The following CNTNAP2 variants were observed in gnomAD, a reference collection of about 807,000 sequenced individuals.
CNTNAP2 encodes the protein contactin associated protein 2.
CNTNAP2 carries 98 observed loss-of-function variants against 155.2 expected under a neutral mutation model. That is an observed-to-expected ratio of 0.63 (90% CI 0.54 to 0.75). CNTNAP2 has a LOEUF of 0.75. Among genes scored for constraint, CNTNAP2 ranks in the 30% least tolerant of loss-of-function variants. The pLI, the probability that CNTNAP2 is intolerant of heterozygous loss-of-function variation, is 0.00. For synonymous variants in CNTNAP2, 651 were observed against 631.2 expected, an observed-to-expected ratio of 1.03 and a Z score of -0.47; for missense variants, 1,727 against 1,688.1, an observed-to-expected ratio of 1.02 and a Z score of -0.40.
At chr7:146,571,269 A>G (rs970520576) in intron 1 of CNTNAP2, among the ~76,000 whole-genome samples, 1 of 152,068 alleles carries the variant, frequency 6.6e-6, no homozygotes, top group Non-Finnish European at 1.5e-5. Flanking sequence ...AAGTATTATA[A>G]TAGGGGATCT....
At chr7:146,965,254 T>C (rs1797634729) in intron 3 of CNTNAP2, among the ~76,000 whole-genome samples, 1 of 152,122 alleles carries the variant, frequency 6.6e-6, no homozygotes, top group South Asian at 2.1e-4. Flanking sequence ...GAGAGCATAA[T>C]GGAACCCTGG....
intron 9 of CNTNAP2, among the ~76,000 whole-genome samples, chr7:147,371,807 G>A (rs577423799): frequency 6.6e-6 from 1 of 152,222 alleles, no homozygotes; most frequent in Non-Finnish European, 1.5e-5. Context: ...GTATGTATGA[G>A]AGTGTGTGCA....
At chr7:146,321,139 G>A (rs1381877500) in intron 1 of CNTNAP2, among the ~76,000 whole-genome samples, 4 of 152,030 alleles carry the variant, frequency 2.6e-5, no homozygotes, top group Non-Finnish European at 5.9e-5. Flanking sequence ...AGATGATGAT[G>A]CGCTTATTAG....
intron 2 of CNTNAP2, among the ~76,000 whole-genome samples, chr7:146,776,265 C>A (rs974434713): frequency 6.6e-6 from 1 of 152,060 alleles, no homozygotes; most frequent in African/African-American, 2.4e-5. Flanking sequence ...ACATAAAGCA[C>A]CTGTGAGGAA....
chr7:146,700,450 A>T (rs939918250), intron 1 of CNTNAP2, among the ~76,000 whole-genome samples: 3 of 152,168 alleles, frequency 2.0e-5, no homozygotes, highest in African/African-American at 7.2e-5. Context: ...AAATTAAAAA[A>T]ATAAGTATGT....
chr7:146,910,116 C>G (rs1796239728), intron 3 of CNTNAP2, among the ~76,000 whole-genome samples: 1 of 129,822 alleles, frequency 7.7e-6, no homozygotes, highest in Admixed American at 7.4e-5. Context: ...AGGACCTCTT[C>G]AAGGAGAACT....
intron 3 of CNTNAP2, among the ~76,000 whole-genome samples, chr7:146,919,026 G>A (rs1796448029): frequency 6.6e-6 from 1 of 152,138 alleles, no homozygotes; most frequent in Admixed American, 6.5e-5. Flanking sequence ...TTCATTTCCA[G>A]AAGCTGTGAT....
chr7:147,381,746 A>G (rs1796541029), intron 9 of CNTNAP2, among the ~76,000 whole-genome samples: 2 of 152,154 alleles, frequency 1.3e-5, no homozygotes, highest in South Asian at 4.1e-4. Context: ...GTTCTTGTAA[A>G]TCTCTTTACG....
intron 11 of CNTNAP2, among the ~76,000 whole-genome samples, chr7:147,526,084 C>G (rs192135617): frequency 9.9e-4 from 149 of 150,670 alleles, no homozygotes; most frequent in African/African-American, 3.4e-3. Context: ...CCCAGCTACT[C>G]GAGAGGCTGA....
intron 1 of CNTNAP2, among the ~76,000 whole-genome samples, chr7:146,369,717 T>C (rs1444624487): frequency 6.6e-6 from 1 of 152,196 alleles, no homozygotes; most frequent in Non-Finnish European, 1.5e-5. Context: ...ATCTGTGCTT[T>C]ACTCATTTTC....
intron 13 of CNTNAP2, among the ~76,000 whole-genome samples, chr7:147,827,489 A>C (rs765981354): frequency 2.0e-5 from 3 of 152,224 alleles, no homozygotes; most frequent in Non-Finnish European, 4.4e-5. Flanking sequence ...ATTTTGCTCT[A>C]AATAGTGTGG....
At chr7:146,467,071 G>A (rs1264969243) in intron 1 of CNTNAP2, among the ~76,000 whole-genome samples, 3 of 152,038 alleles carry the variant, frequency 2.0e-5, no homozygotes, top group African/African-American at 7.2e-5. Flanking sequence ...ATAATTTAAT[G>A]TTAACAAATG....
At chr7:146,331,945 A>G (rs1305380538) in intron 1 of CNTNAP2, among the ~76,000 whole-genome samples, 1 of 152,172 alleles carries the variant, frequency 6.6e-6, no homozygotes, top group African/African-American at 2.4e-5. Flanking sequence ...GCTATCACAT[A>G]TTTTTAAAAG....
intron 8 of CNTNAP2, among the ~76,000 whole-genome samples, chr7:147,154,221 T>C (rs1801879970): frequency 6.6e-6 from 1 of 152,194 alleles, no homozygotes. Context: ...AAAGTGGTTT[T>C]AATTGAAAAC....
In CNTNAP2 at chr7:147,871,961, C is replaced by T. The variant is rs531901355; in HGVS notation, c.2099-31604C>T. On this transcript the variant is annotated intron_variant, in intron 13 of 23. Coordinates refer to ENST00000361727, the MANE Select transcript of CNTNAP2 (RefSeq NM_014141.6). ...GCTCCTGGGTAATGCTTTTTTCGTA[C>T]GTGTTTTAACTTTTATTCACATGAG... Among the ~76,000 whole-genome samples, 29 of 152,038 alleles carry T rather than the reference C, an allele frequency of 1.9e-4. 1 individual carries two copies. The highest frequency in any genetic ancestry group is 3.7e-4 in the Non-Finnish European group (25 of 68,014).
At chr7:146,608,183 A>C (rs1176960549) in intron 1 of CNTNAP2, among the ~76,000 whole-genome samples, 1 of 152,206 alleles carries the variant, frequency 6.6e-6, no homozygotes, top group Admixed American at 6.6e-5. Flanking sequence ...GCTGCCTGTC[A>C]ATATCACTTG....
chr7:148,079,771 T>G (rs2116544650), intron 15 of CNTNAP2, among the ~76,000 whole-genome samples: 1 of 152,268 alleles, frequency 6.6e-6, no homozygotes, highest in Non-Finnish European at 1.5e-5. Flanking sequence ...CTACAGAAAG[T>G]CTTAAGATCT....
At chr7:146,793,923 T>C (rs150595907) in intron 2 of CNTNAP2, among the ~76,000 whole-genome samples, 19 of 152,352 alleles carry the variant, frequency 1.2e-4, no homozygotes, top group Admixed American at 1.3e-4. Context: ...CTCTAGGATG[T>C]GTCTTACTTT....
At chr7:147,122,906 T>C (rs541514899) in intron 6 of CNTNAP2, 52 of 152,296 alleles carry the variant, frequency 3.4e-4, no homozygotes, top group African/African-American at 1.2e-3. Flanking sequence ...GAATATGGAA[T>C]ATGCTCATCA....
Sources: gnomAD v4.1 joint callset for allele counts (sites outside exome capture counted in the v4.1 genomes callset) on GRCh38, gnomAD v4.1.1 for gene constraint, MANE v1.5 for transcripts, NCBI Gene and HGNC (gene_info 2026-07-23, HGNC 2026-07-21) for gene names.